Variants in STK39 observed in about 807,000 individuals in gnomAD.
The protein encoded by STK39 is serine/threonine kinase 39.
Under a neutral mutation model 77.8 loss-of-function variants are expected in STK39, and 20 were observed. The observed-to-expected ratio is 0.26, with a 90% CI of 0.18 to 0.37. STK39 has a LOEUF of 0.37. Ranked by LOEUF, STK39 falls within the 10% of genes least tolerant of loss-of-function variation. The pLI is 1.00. For missense variants in STK39, 479 were observed against 656.5 expected, an observed-to-expected ratio of 0.73 and a Z score of 2.95; for synonymous variants, 246 against 234.1, an observed-to-expected ratio of 1.05 and a Z score of -0.47.
At chr2:168,171,394 G>C (rs1688819553) in intron 2 of STK39, among the ~76,000 whole-genome samples, 1 of 149,480 alleles carries the variant, frequency 6.7e-6, no homozygotes, top group South Asian at 2.1e-4. Flanking sequence ...ACAAAATAAA[G>C]TATCCTACCC....
intron 2 of STK39, among the ~76,000 whole-genome samples, chr2:168,174,892 T>C (rs1244855141): frequency 6.6e-6 from 1 of 151,432 alleles, no homozygotes; most frequent in African/African-American, 2.4e-5. Context: ...AGAACTTTTC[T>C]TGTCAGCCAA....
In STK39 at chr2:168,193,305, C is replaced by G. The variant is rs187675574; in HGVS notation, c.209-11215G>C. On this transcript the variant is annotated intron_variant, in intron 1 of 17. Transcript: ENST00000355999. The stretch of plus-strand genomic sequence containing the variant: ...GCATGGTAGAAGTCTTTCTTCCCCC[C>G]CCTCTTCACACACTCTCACCCAGAA... Among the ~76,000 whole-genome samples, 447 of 152,266 alleles carry G rather than the reference C, an allele frequency of 2.9e-3. 2 individuals carry two copies. The highest frequency in any genetic ancestry group is 4.8e-3 in the Non-Finnish European group (325 of 68,006).
chr2:168,049,047 G>A (rs1574420711), intron 14 of STK39, among the ~76,000 whole-genome samples: 1 of 152,190 alleles, frequency 6.6e-6, no homozygotes, highest in Non-Finnish European at 1.5e-5. Flanking sequence ...TGGCCACTGA[G>A]TACCTTGTAA....
chr2:168,085,240 AAAG>A (rs1297242326), intron 10 of STK39, among the ~76,000 whole-genome samples: 2 of 152,238 alleles, frequency 1.3e-5, no homozygotes, highest in South Asian at 2.1e-4. Context: ...TCTTGTGGAA[AAAG>A]AAGGATGGCT....
chr2:168,162,896 G>A (rs1341720496), intron 4 of STK39, among the ~76,000 whole-genome samples: 1 of 151,568 alleles, frequency 6.6e-6, no homozygotes, highest in African/African-American at 2.4e-5. Flanking sequence ...GCATGGTGCC[G>A]CATGCCTGTA....
At chr2:168,027,673 A>T (rs1025440718) in intron 14 of STK39, among the ~76,000 whole-genome samples, 1 of 152,196 alleles carries the variant, frequency 6.6e-6, no homozygotes, top group Non-Finnish European at 1.5e-5. Context: ...TTCAAATAAG[A>T]TATCTCAACA....
chr2:168,173,350 A>G (rs1319213633), intron 2 of STK39, among the ~76,000 whole-genome samples: 4 of 152,210 alleles, frequency 2.6e-5, no homozygotes, highest in Non-Finnish European at 4.4e-5. Flanking sequence ...TTTTAGCAGC[A>G]TTATGAAAGG....
intron 1 of STK39, among the ~76,000 whole-genome samples, chr2:168,231,610 T>C (rs1008807567): frequency 1.1e-4 from 17 of 151,930 alleles, no homozygotes; most frequent in Admixed American, 2.0e-4. Context: ...TATTTCTTTT[T>C]AGAAGATCTT....
intron 5 of STK39, among the ~76,000 whole-genome samples, chr2:168,148,690 C>T (rs1443829574): frequency 6.6e-6 from 1 of 152,174 alleles, no homozygotes; most frequent in African/African-American, 2.4e-5. Flanking sequence ...AGCACACCCA[C>T]GGCCAAAGAG....
In STK39 at chr2:168,161,768, T is replaced by C; in HGVS notation, c.628+19A>G. 1 of 1,591,284 alleles carries C rather than the reference T, an allele frequency of 6.3e-7. No individual in the cohort carries two copies. The highest frequency in any genetic ancestry group is 8.6e-7 in the Non-Finnish European group (1 of 1,169,556). ...ACTTCCGTAATCAAGTAAAAAATTTTTCTATTTATCAGCTTTACCTGCTAT... is the reference window on the plus strand; with the variant it reads ...ACTTCCGTAATCAAGTAAAAAATTTCTCTATTTATCAGCTTTACCTGCTAT... On this transcript the variant is annotated intron_variant, in intron 5 of 17. Coordinates refer to ENST00000355999, the MANE Select transcript of STK39 (RefSeq NM_013233.3).
chr2:168,207,274 C>T (rs1160869109), intron 1 of STK39, among the ~76,000 whole-genome samples: 1 of 152,172 alleles, frequency 6.6e-6, no homozygotes, highest in African/African-American at 2.4e-5. Context: ...GTTTCAATTA[C>T]ATAAACACTG....
chr2:168,159,192 T>TA (rs1447548171), intron 5 of STK39, among the ~76,000 whole-genome samples: 2 of 152,166 alleles, frequency 1.3e-5, no homozygotes, highest in Non-Finnish European at 2.9e-5. Flanking sequence ...AATGCAAACT[T>TA]AACTTCTCCC....
chr2:168,078,208 GT>G (rs1422653699), intron 10 of STK39, among the ~76,000 whole-genome samples: 4 of 152,172 alleles, frequency 2.6e-5, no homozygotes, highest in Non-Finnish European at 5.9e-5. Context: ...GTTAGAAAAT[GT>G]TTTATATTTT....
chr2:168,222,749 T>A (rs954283543), intron 1 of STK39, among the ~76,000 whole-genome samples: 4 of 152,172 alleles, frequency 2.6e-5, no homozygotes, highest in Admixed American at 2.6e-4. Flanking sequence ...GTGAATTCTC[T>A]AGTCAGTGAA....
chr2:168,145,922 T>TAC (rs1688125934), intron 5 of STK39, among the ~76,000 whole-genome samples: 1 of 152,212 alleles, frequency 6.6e-6, no homozygotes, highest in Non-Finnish European at 1.5e-5. Flanking sequence ...AGAGGTATGA[T>TAC]ACATGTTAGA....
At chr2:168,088,140 TAG>T (rs1686419471) in intron 10 of STK39, among the ~76,000 whole-genome samples, 1 of 152,206 alleles carries the variant, frequency 6.6e-6, no homozygotes, top group African/African-American at 2.4e-5. Context: ...AGATGTAATA[TAG>T]AAAATATTCC....
chr2:167,962,901 C>T (rs1213472557), intron 17 of STK39, among the ~76,000 whole-genome samples: 2 of 152,126 alleles, frequency 1.3e-5, no homozygotes, highest in Non-Finnish European at 2.9e-5. Flanking sequence ...TCCACCCCAG[C>T]GAGCCCGAGG....
At chr2:168,104,572 T>C (rs913379232) in intron 10 of STK39, among the ~76,000 whole-genome samples, 3 of 152,256 alleles carry the variant, frequency 2.0e-5, no homozygotes, top group Non-Finnish European at 4.4e-5. Flanking sequence ...GGATAGAAGG[T>C]ATAGAATGGA....
intron 16 of STK39, among the ~76,000 whole-genome samples, chr2:167,972,457 T>G (rs1692374681): frequency 6.6e-6 from 1 of 152,200 alleles, no homozygotes; most frequent in Non-Finnish European, 1.5e-5. Flanking sequence ...GAGCTTGATC[T>G]TGTAACCATG....
Sources: allele counts gnomAD v4.1 joint callset (sites outside exome capture counted in the v4.1 genomes callset), GRCh38; gene constraint gnomAD v4.1.1; transcripts MANE v1.5; gene names NCBI Gene and HGNC (gene_info 2026-07-23, HGNC 2026-07-21).